Variants in BANP observed in about 807,000 individuals in gnomAD.
The protein encoded by BANP is BTG3 associated nuclear protein.
Under a neutral mutation model 68.1 loss-of-function variants are expected in BANP, and 11 were observed. The ratio of observed to expected loss-of-function variants is 0.16; its 90% CI spans 0.10 to 0.27. BANP has a LOEUF of 0.27. Among genes scored for constraint, BANP ranks in the 10% least tolerant of loss-of-function variants. The pLI, the probability that BANP is intolerant of heterozygous loss-of-function variation, is 1.00. For missense variants in BANP, 504 were observed against 722.7 expected, an observed-to-expected ratio of 0.70 and a Z score of 3.47; for synonymous variants, 329 against 303.2, an observed-to-expected ratio of 1.09 and a Z score of -0.88.
At chr16:87,952,134 G>T (rs918093460) in intron 1 of BANP, 3 of 152,314 alleles carry the variant, frequency 2.0e-5, no homozygotes, top group African/African-American at 7.2e-5. Flanking sequence ...TGCGATTTCT[G>T]TGATCTAGTC....
intron 11 of BANP, among the ~76,000 whole-genome samples, chr16:88,041,530 C>G (rs1402357373): frequency 2.6e-5 from 4 of 152,200 alleles, no homozygotes; most frequent in African/African-American, 7.2e-5. Flanking sequence ...GCTATGTGGT[C>G]AGTTTCATGT....
intron 1 of BANP, among the ~76,000 whole-genome samples, chr16:87,952,919 C>T (rs888564543): frequency 3.3e-5 from 5 of 152,124 alleles, no homozygotes; most frequent in Non-Finnish European, 5.9e-5. Context: ...GGACCACAGA[C>T]GCCACCACCC....
At chr16:88,030,520 G>A (rs1196618736) in intron 8 of BANP, among the ~76,000 whole-genome samples, 2 of 152,210 alleles carry the variant, frequency 1.3e-5, no homozygotes, top group Non-Finnish European at 2.9e-5. Context: ...TGACTTGCCA[G>A]GACCTTAGTG....
Position 88,002,885 on chromosome 16 carries a change from G to T in BANP, c.363-1410G>T, listed in dbSNP as rs1003361830. On this transcript the variant is annotated intron_variant, in intron 4 of 13. Transcript: ENST00000682872. The surrounding 1 kb of genome is among the most constrained non-coding windows in gnomAD (Gnocchi z 4.6). ...GCACCGTCCTTCTTCAGTTGCTCATGGGGGGAGAGAATAAATGCATGTGTG... is the reference window on the plus strand; with the variant it reads ...GCACCGTCCTTCTTCAGTTGCTCATTGGGGGAGAGAATAAATGCATGTGTG... Among the ~76,000 whole-genome samples the T allele has an allele frequency of 1.3e-5, 2 of 152,298 alleles. No homozygotes were observed. Among genetic ancestry groups the T allele is most frequent in the East Asian group, 1.9e-4 (1 of 5,182 alleles).
At chr16:88,033,911 A>G (rs577672768) in intron 9 of BANP, among the ~76,000 whole-genome samples, 1 of 152,056 alleles carries the variant, frequency 6.6e-6, no homozygotes, top group South Asian at 2.1e-4. Flanking sequence ...GAAGGAAGGA[A>G]GACTTTTCTG....
At chr16:87,976,280 CTTG>C in intron 2 of BANP, among the ~76,000 whole-genome samples, 1 of 152,162 alleles carries the variant, frequency 6.6e-6, no homozygotes, top group Non-Finnish European at 1.5e-5. Flanking sequence ...ACGGACAGTG[CTTG>C]AGAACAAGTT....
chr16:88,011,047 G>A (rs534639241), intron 6 of BANP, among the ~76,000 whole-genome samples: 1 of 152,334 alleles, frequency 6.6e-6, no homozygotes, highest in South Asian at 2.1e-4. Flanking sequence ...AGAGATGAGT[G>A]ACCACAATAA....
In BANP at chr16:88,057,782, C is replaced by T. The variant is rs1053516333; in HGVS notation, c.1312-7485C>T. On this transcript the variant is annotated intron_variant, in intron 11 of 13. Coordinates refer to ENST00000682872, the MANE Select transcript of BANP (RefSeq NM_001386991.1). This position sits in a 1 kb window ranked among gnomAD's most constrained non-coding sequence, Gnocchi z 4.6. ...GGGGGGGGGTGCGTGCAGTGACTCG[C>T]GCTGGCCCTGTCCCCGCACCCTGGA... 2.0e-5 allele frequency among the ~76,000 whole-genome samples: 3 copies of T among 151,646 alleles called. No homozygotes were observed. The highest frequency in any genetic ancestry group is 4.4e-5 in the Non-Finnish European group (3 of 67,992).
chr16:87,973,325 A>G (rs12932202), intron 1 of BANP, among the ~76,000 whole-genome samples: 52,904 of 151,672 alleles, frequency 0.35, 10,521 homozygotes, highest in Non-Finnish European at 0.47. Flanking sequence ...GTAAAGTTAT[A>G]ATGTGGGAAT....
At chr16:88,060,605 C>T (rs1412389116) in intron 11 of BANP, among the ~76,000 whole-genome samples, 1 of 152,232 alleles carries the variant, frequency 6.6e-6, no homozygotes, top group African/African-American at 2.4e-5. Context: ...GAGAACGGTG[C>T]CATCTGGAGG....
At chr16:87,997,819 A>G (rs2067704059) in intron 4 of BANP, among the ~76,000 whole-genome samples, 1 of 152,270 alleles carries the variant, frequency 6.6e-6, no homozygotes, top group Admixed American at 6.5e-5. Context: ...CAGCAGAATC[A>G]GGACTGTTAC....
In BANP at chr16:88,002,621, C is replaced by A. The variant is rs1002993616; in HGVS notation, c.363-1674C>A. Among the ~76,000 whole-genome samples, 78 of 152,174 alleles carry A rather than the reference C, an allele frequency of 5.1e-4. No individual in the cohort carries two copies. Among genetic ancestry groups the A allele is most frequent in the African/African-American group, 1.8e-3 (75 of 41,524 alleles). ...CTGAGAGCTGTTTGCATCCATGAGC[C>A]CCCCAGAAGCTGTGGGGCACCCGAG... On this transcript the variant is annotated intron_variant, in intron 4 of 13. Transcript: ENST00000682872. The surrounding 1 kb of genome is among the most constrained non-coding windows in gnomAD (Gnocchi z 4.6).
rs543676233 is a variant in BANP, at chr16:88,057,241, G to A, written c.1312-8026G>A. ...CTTCGAAGTGGGGTACGGGCCAGCC[G>A]CCAAGAGCTCACCCAGCGCGCCTGT... On this transcript the variant is annotated intron_variant, in intron 11 of 13. Coordinates refer to ENST00000682872, the MANE Select transcript of BANP (RefSeq NM_001386991.1). The surrounding 1 kb of genome is among the most constrained non-coding windows in gnomAD (Gnocchi z 4.6). Among the ~76,000 whole-genome samples, 98 of 152,322 alleles carry A rather than the reference G, an allele frequency of 6.4e-4. No homozygotes were observed. Among genetic ancestry groups the A allele is most frequent in the African/African-American group, 1.3e-3 (52 of 41,562 alleles).
At position 88,076,793 on chromosome 16, in the gene BANP, C is replaced by T; in HGVS notation, c.*132C>T. 7.0e-6 allele frequency: 5 copies of T among 717,532 alleles called. No homozygotes were observed. The South Asian group carries it at 7.6e-5, about 11-fold the overall frequency. 44.4% of individuals were successfully genotyped at this position (717,532 alleles called of 1,614,324 possible). ...CTGAAGTGCGTCTGAAGGCCGCTGC[C>T]TCCGCGGGGAACAGCATCCTATCAA... is the stretch of plus-strand genomic sequence containing the variant. On this transcript the variant is annotated 3_prime_UTR_variant, in exon 14 of 14. Transcript: ENST00000682872.
chr16:87,997,095 G>A (rs375837829), intron 4 of BANP, among the ~76,000 whole-genome samples: 12 of 152,284 alleles, frequency 7.9e-5, no homozygotes, highest in South Asian at 4.1e-4. Flanking sequence ...TAAGCTCAGC[G>A]TAGAAAATGT....
At chr16:88,024,811 G>A (rs1257266021) in intron 7 of BANP, among the ~76,000 whole-genome samples, 6 of 152,244 alleles carry the variant, frequency 3.9e-5, no homozygotes, top group East Asian at 1.9e-4. Context: ...ACTCGGTGGC[G>A]GGTAACCAGA....
chr16:87,981,776 T>C (rs1179490251), intron 3 of BANP, among the ~76,000 whole-genome samples: 5 of 152,266 alleles, frequency 3.3e-5, no homozygotes, highest in African/African-American at 1.2e-4. Context: ...CAGTGATGAA[T>C]GACTTCTGTG....
intron 7 of BANP, among the ~76,000 whole-genome samples, chr16:88,022,701 G>A (rs1379768998): frequency 6.6e-6 from 1 of 152,214 alleles, no homozygotes; most frequent in Non-Finnish European, 1.5e-5. Flanking sequence ...AGATGCCTGG[G>A]ATGAAGGTGT....
At chr16:87,983,792 T>G (rs571150175) in intron 3 of BANP, among the ~76,000 whole-genome samples, 1 of 152,234 alleles carries the variant, frequency 6.6e-6, no homozygotes, top group African/African-American at 2.4e-5. Context: ...TAAAATTAAA[T>G]GGGCTTAACC....
Sources: allele counts gnomAD v4.1 joint callset (sites outside exome capture counted in the v4.1 genomes callset), GRCh38; gene constraint gnomAD v4.1.1; non-coding constraint Gnocchi (gnomAD v3.1); transcripts MANE v1.5; gene names NCBI Gene and HGNC (gene_info 2026-07-23, HGNC 2026-07-21).